Variants in ARHGAP15 observed in about 807,000 individuals in gnomAD.
ARHGAP15 encodes rho GTPase-activating protein 15.
In ARHGAP15, 51 loss-of-function variants were observed where a neutral mutation model predicts 63.7. That is an observed-to-expected ratio of 0.80 (90% CI 0.64 to 1.01). The LOEUF (loss-of-function observed/expected upper bound fraction) is 1.01. Among genes scored for constraint, ARHGAP15 ranks in the 50% least tolerant of loss-of-function variants. The pLI is 0.00. For missense variants in ARHGAP15, 560 were observed against 564.6 expected (o/e 0.99, Z 0.08); for synonymous variants, 191 against 193.8 (o/e 0.99, Z 0.12).
intron 8 of ARHGAP15, among the ~76,000 whole-genome samples, chr2:143,478,326 C>T (rs1308984107): frequency 6.6e-6 from 1 of 152,078 alleles, no homozygotes; most frequent in African/African-American, 2.4e-5. Context: ...CTCTCTCAGC[C>T]GTACAATGAT....
At chr2:143,635,831 G>GAT (rs1014150437) in intron 12 of ARHGAP15, among the ~76,000 whole-genome samples, 59 of 151,388 alleles carry the variant, frequency 3.9e-4, no homozygotes, top group African/African-American at 8.0e-4. Context: ...GATGACAGCA[G>GAT]ATATATATAT....
At position 143,134,719 on chromosome 2, in the gene ARHGAP15, C is replaced by T. The variant is rs748521506; in HGVS notation, c.-15+5253C>T. Among the ~76,000 whole-genome samples, 6 of 151,394 alleles carry T rather than the reference C, an allele frequency of 4.0e-5. No individual in the cohort carries two copies. The East Asian group carries it at 7.8e-4, about 20-fold the overall frequency. ...GTGCAATCTCGGCTCACTGCAAGCTCGGCCTCCCGGGTTCATGCCAGTCTC... is the reference window on the plus strand; with the variant it reads ...GTGCAATCTCGGCTCACTGCAAGCTTGGCCTCCCGGGTTCATGCCAGTCTC... On this transcript the variant is annotated intron_variant, in intron 1 of 13. Transcript: ENST00000295095.
intron 13 of ARHGAP15, among the ~76,000 whole-genome samples, chr2:143,733,954 GC>G (rs1383012351): frequency 6.6e-6 from 1 of 152,046 alleles, no homozygotes; most frequent in African/African-American, 2.4e-5. Flanking sequence ...AACTACTTCT[GC>G]AAAAAATTTG....
At chr2:143,761,096 G>C (rs1381891431) in intron 13 of ARHGAP15, among the ~76,000 whole-genome samples, 1 of 152,164 alleles carries the variant, frequency 6.6e-6, no homozygotes, top group Non-Finnish European at 1.5e-5. Flanking sequence ...GGCCAGTGTA[G>C]ATAGCAGTAC....
At chr2:143,415,857 A>G (rs1469116101) in intron 6 of ARHGAP15, among the ~76,000 whole-genome samples, 1 of 152,194 alleles carries the variant, frequency 6.6e-6, no homozygotes, top group Non-Finnish European at 1.5e-5. Flanking sequence ...TATTATTCCA[A>G]GTGAAGTAAC....
intron 6 of ARHGAP15, among the ~76,000 whole-genome samples, chr2:143,254,673 A>G (rs947031500): frequency 3.3e-5 from 5 of 152,048 alleles, no homozygotes; most frequent in African/African-American, 1.2e-4. Context: ...TAAATTTAGT[A>G]CTTAAATATC....
intron 10 of ARHGAP15, among the ~76,000 whole-genome samples, chr2:143,527,620 ACT>A (rs1487065730): frequency 6.6e-6 from 1 of 151,950 alleles, no homozygotes; most frequent in Non-Finnish European, 1.5e-5. Context: ...GTAAATACAC[ACT>A]CTTTTTTAAG....
At chr2:143,620,113 C>T (rs1698595938) in intron 11 of ARHGAP15, among the ~76,000 whole-genome samples, 2 of 152,186 alleles carry the variant, frequency 1.3e-5, no homozygotes, top group Admixed American at 1.3e-4. Context: ...ATTCTGGTGA[C>T]ATATTGGATA....
At chr2:143,437,218 A>G in intron 8 of ARHGAP15, 176 bp downstream of exon 8, 1 of 604,294 alleles carries the variant, frequency 1.7e-6, no homozygotes, top group Non-Finnish European at 2.8e-6. Flanking sequence ...TGCTCACATC[A>G]TTGTTGGTAA....
intron 3 of ARHGAP15, among the ~76,000 whole-genome samples, chr2:143,209,567 A>G (rs932098396): frequency 3.3e-5 from 5 of 152,066 alleles, no homozygotes; most frequent in African/African-American, 1.2e-4. Flanking sequence ...TAAAAAAAAA[A>G]CAAGTTTCTG....
At chr2:143,338,829 G>T (rs1204395482) in intron 6 of ARHGAP15, among the ~76,000 whole-genome samples, 1 of 152,058 alleles carries the variant, frequency 6.6e-6, no homozygotes, top group East Asian at 1.9e-4. Flanking sequence ...TTGATAGGTT[G>T]CTTACCCTTT....
At chr2:143,582,855 T>C (rs1454178865) in intron 11 of ARHGAP15, among the ~76,000 whole-genome samples, 3 of 152,252 alleles carry the variant, frequency 2.0e-5, no homozygotes, top group Non-Finnish European at 4.4e-5. Context: ...AAACTTTTCA[T>C]GGTTAACACC....
At chr2:143,691,291 A>G (rs1683589959) in intron 12 of ARHGAP15, among the ~76,000 whole-genome samples, 1 of 152,150 alleles carries the variant, frequency 6.6e-6, no homozygotes, top group Admixed American at 6.6e-5. Context: ...TAAGCAGGAA[A>G]TGGGGTGTCA....
At chr2:143,456,996 A>G (rs1050998350) in intron 8 of ARHGAP15, among the ~76,000 whole-genome samples, 1 of 152,074 alleles carries the variant, frequency 6.6e-6, no homozygotes, top group Non-Finnish European at 1.5e-5. Context: ...AATTTAACAG[A>G]TGGTGAGTTA....
chr2:143,557,550 T>A (rs755464217), intron 11 of ARHGAP15, among the ~76,000 whole-genome samples: 1 of 152,030 alleles, frequency 6.6e-6, no homozygotes, highest in Non-Finnish European at 1.5e-5. Context: ...TAATTACCCA[T>A]ACATGTCATT....
intron 11 of ARHGAP15, among the ~76,000 whole-genome samples, chr2:143,591,778 C>G (rs953317321): frequency 2.6e-5 from 4 of 151,958 alleles, no homozygotes; most frequent in African/African-American, 9.7e-5. Flanking sequence ...TGCCGCCATG[C>G]CTGGCTAATT....
intron 12 of ARHGAP15, among the ~76,000 whole-genome samples, chr2:143,666,508 G>A (rs957406843): frequency 1.4e-5 from 2 of 147,544 alleles, no homozygotes; most frequent in Non-Finnish European, 3.0e-5. Flanking sequence ...CATAGGCATG[G>A]GCAAGGACTT....
rs1341117994 is a variant in ARHGAP15 at position 143,574,589 on chromosome 2, T to C, written c.1003+18104T>C. ...ATTTTGAAGGCAACAGTTGTTCGAA[T>C]CCTCTCTATTGATAAAGGCTGCCCA... On this transcript the variant is annotated intron_variant, in intron 11 of 13. Coordinates refer to ENST00000295095, the MANE Select transcript of ARHGAP15 (RefSeq NM_018460.4). 2.0e-5 allele frequency among the ~76,000 whole-genome samples: 3 copies of C among 152,138 alleles called. No homozygotes were observed. In the East Asian group the frequency reaches 5.8e-4, roughly 29 times the overall value.
chr2:143,435,770 A>T, intron 7 of ARHGAP15, 71 bp downstream of exon 7: 1 of 1,419,820 alleles, frequency 7.0e-7, no homozygotes, highest in South Asian at 1.3e-5. Context: ...GCTCAGGCAT[A>T]TAACACACAC....
Sources: allele counts gnomAD v4.1 joint callset (sites outside exome capture counted in the v4.1 genomes callset), GRCh38; gene constraint gnomAD v4.1.1; transcripts MANE v1.5; gene names NCBI Gene and HGNC (gene_info 2026-07-23, HGNC 2026-07-21).